Variants in SYT17 observed in about 807,000 individuals in gnomAD.
SYT17 encodes the protein synaptotagmin 17.
Under a neutral mutation model 46.7 loss-of-function variants are expected in SYT17, and 22 were observed. The ratio of observed to expected loss-of-function variants is 0.47; its 90% CI spans 0.34 to 0.67. The LOEUF (loss-of-function observed/expected upper bound fraction) is 0.67, where lower values mean the gene tolerates loss of function less well. Among genes scored for constraint, SYT17 ranks in the 30% least tolerant of loss-of-function variants. The pLI is 0.01. For synonymous variants in SYT17, 251 were observed against 248.4 expected (o/e 1.01, Z -0.10); for missense variants, 519 against 612.8 (o/e 0.85, Z 1.62).
rs1964620552 is a variant in SYT17, at chr16:19,183,048, T to C, written c.332-480T>C. ...AGTGAGTAAGTGGCTGAGATGGAAT[T>C]CCACCCAGGCACTCTGGTCCCAGAG... On this transcript the variant is annotated intron_variant, in intron 4 of 7. Coordinates refer to ENST00000355377, the MANE Select transcript of SYT17 (RefSeq NM_016524.4). This position sits in a 1 kb window ranked among gnomAD's most constrained non-coding sequence, Gnocchi z 5.6. Among the ~76,000 whole-genome samples the C allele has an allele frequency of 6.6e-6, 1 of 152,158 alleles. No individual in the cohort carries two copies. Among genetic ancestry groups the C allele is most frequent in the Non-Finnish European group, 1.5e-5 (1 of 68,030 alleles).
chr16:19,246,451 A>G (rs1380049733), intron 7 of SYT17, among the ~76,000 whole-genome samples: 1 of 152,212 alleles, frequency 6.6e-6, no homozygotes, highest in Non-Finnish European at 1.5e-5. Flanking sequence ...TCTAGAAACT[A>G]CACACACATA....
intron 5 of SYT17, among the ~76,000 whole-genome samples, chr16:19,208,730 A>T (rs1044647570): frequency 2.6e-5 from 4 of 151,956 alleles, no homozygotes; most frequent in African/African-American, 7.3e-5. Flanking sequence ...TTTGGTGTCT[A>T]TTGGCTTATA....
rs1555459738 is a variant in SYT17, at chr16:19,220,303, C to CTTTTT, written c.952-2729_952-2725dup. Among the ~76,000 whole-genome samples the CTTTTT allele has an allele frequency of 8.7e-5, 7 of 80,510 alleles. 1 individual carries two copies. The highest frequency in any genetic ancestry group is 3.0e-4 in the African/African-American group (6 of 19,852). 52.8% of individuals were successfully genotyped at this position (80,510 alleles called of 152,430 possible). A position where few individuals can be genotyped will look rare whatever the true frequency, so the allele number is the denominator to read the frequency against. ...TTCAATGACATTTCTTTCTTTCTTT[C>CTTTTT]TTTTTTTTTTTTTTTTTGAGATGAA... is the stretch of plus-strand genomic sequence containing the variant. On this transcript the variant is annotated intron_variant, in intron 5 of 7. Coordinates refer to ENST00000355377, the MANE Select transcript of SYT17 (RefSeq NM_016524.4).
intron 7 of SYT17, among the ~76,000 whole-genome samples, chr16:19,248,259 T>C (rs1465532209): frequency 6.6e-6 from 1 of 152,202 alleles, no homozygotes; most frequent in African/African-American, 2.4e-5. Context: ...GGAACTCTCA[T>C]GCATTTCTGG....
chr16:19,207,966 C>A (rs530186551), intron 5 of SYT17, among the ~76,000 whole-genome samples: 2 of 152,100 alleles, frequency 1.3e-5, no homozygotes, highest in Non-Finnish European at 2.9e-5. Context: ...AGACCAAAAT[C>A]AAATCCTGAT....
intron 7 of SYT17, among the ~76,000 whole-genome samples, chr16:19,250,383 G>GTGTGTGTGTA (rs1295055619): frequency 5.3e-5 from 8 of 151,192 alleles, no homozygotes; most frequent in Non-Finnish European, 1.0e-4. Context: ...GTGTGTGTGT[G>GTGTGTGTGTA]TGTGTGTGTG....
chr16:19,175,947 A>G (rs1964296900), intron 3 of SYT17, among the ~76,000 whole-genome samples: 1 of 152,232 alleles, frequency 6.6e-6, no homozygotes. Flanking sequence ...TCCTGTGACC[A>G]TGCTCAGGGA....
chr16:19,241,608 C>T (rs1248553147), intron 7 of SYT17, among the ~76,000 whole-genome samples: 2 of 152,190 alleles, frequency 1.3e-5, no homozygotes, highest in Admixed American at 1.3e-4. Flanking sequence ...CTGCATTGCT[C>T]TCCCACTGGT....
At chr16:19,173,378 G>GGCCCCCC in intron 2 of SYT17, 52 bp from the exon 3 acceptor site, 11 of 222,870 alleles carry the variant, frequency 4.9e-5, no homozygotes, top group Non-Finnish European at 7.6e-5. Context: ...TCCCCACCCT[G>GGCCCCCC]CCCACCTCCC....
intron 5 of SYT17, among the ~76,000 whole-genome samples, chr16:19,191,958 G>T (rs1965039167): frequency 6.6e-6 from 1 of 151,970 alleles, no homozygotes; most frequent in Admixed American, 6.6e-5. Flanking sequence ...TTAATTTTTT[G>T]TATTTTTAGT....
chr16:19,215,077 C>A (rs994074359), intron 5 of SYT17, among the ~76,000 whole-genome samples: 3 of 152,164 alleles, frequency 2.0e-5, no homozygotes, highest in Non-Finnish European at 4.4e-5. Flanking sequence ...CATGAGCCAC[C>A]GTGCCCGGAC....
rs564802807 is a variant in SYT17 at position 19,205,041 on chromosome 16, C to T, written c.952-18004C>T. ...CCAGGTCCAGGCCACCTTCACTTCTCACCTGCAGTGTTAGGACGCCCCTCA... is the reference window on the plus strand; with the variant it reads ...CCAGGTCCAGGCCACCTTCACTTCTTACCTGCAGTGTTAGGACGCCCCTCA... On this transcript the variant is annotated intron_variant, in intron 5 of 7. Transcript: ENST00000355377. 5.9e-5 allele frequency among the ~76,000 whole-genome samples: 9 copies of T among 152,352 alleles called. No individual in the cohort carries two copies. In the East Asian group the frequency reaches 1.5e-3, roughly 26 times the overall value.
At chr16:19,221,805 T>C (rs576990512) in intron 5 of SYT17, among the ~76,000 whole-genome samples, 58 of 152,186 alleles carry the variant, frequency 3.8e-4, no homozygotes, top group African/African-American at 1.3e-3. Context: ...TAATAGATGG[T>C]TAGATTATAG....
At position 19,168,572 on chromosome 16, in the gene SYT17, C is replaced by T. The variant is rs1963954654; in HGVS notation, c.-75C>T. On this transcript the variant is annotated 5_prime_UTR_variant, in exon 1 of 8. Transcript: ENST00000355377. The surrounding 1 kb of genome is among the most constrained non-coding windows in gnomAD (Gnocchi z 6.9). ...TTCCTTTCCCCCTTTGCTTTCTTCC[C>T]CCTCCGCTGTTGGCGAGGGCAAAGT... 5 of 1,539,882 alleles carry T rather than the reference C, an allele frequency of 3.2e-6. No individual in the cohort carries two copies. In the East Asian group the frequency reaches 1.3e-4, roughly 39 times the overall value.
intron 1 of SYT17, 155 bp from the exon 2 acceptor site, chr16:19,172,605 T>C: frequency 6.5e-7 from 1 of 1,530,930 alleles, no homozygotes; most frequent in South Asian, 1.2e-5. Flanking sequence ...TCAGCTCCCT[T>C]CCCAGGATGG....
intron 5 of SYT17, among the ~76,000 whole-genome samples, chr16:19,203,888 C>G (rs1261439646): frequency 6.6e-6 from 1 of 152,330 alleles, no homozygotes; most frequent in Admixed American, 6.5e-5. Flanking sequence ...TTCTGTTTAC[C>G]TGGCACATAG....
chr16:19,244,798 A>G (rs1274672840), intron 7 of SYT17, among the ~76,000 whole-genome samples: 1 of 152,070 alleles, frequency 6.6e-6, no homozygotes, highest in Non-Finnish European at 1.5e-5. Flanking sequence ...GAGGAAAGAG[A>G]GCTGAGGACT....
chr16:19,228,067 G>C (rs1966557756), intron 7 of SYT17, among the ~76,000 whole-genome samples: 1 of 151,938 alleles, frequency 6.6e-6, no homozygotes, highest in African/African-American at 2.4e-5. Flanking sequence ...GGGGGGGTAT[G>C]ACAGAACTTC....
chr16:19,225,175 T>TAA (rs915269658), intron 7 of SYT17, among the ~76,000 whole-genome samples: 2 of 152,210 alleles, frequency 1.3e-5, no homozygotes, highest in African/African-American at 4.8e-5. Flanking sequence ...TTGTGAACAG[T>TAA]AAATGACTTA....
Sources: gnomAD v4.1 joint callset for allele counts (sites outside exome capture counted in the v4.1 genomes callset) on GRCh38, gnomAD v4.1.1 for gene constraint, Gnocchi (gnomAD v3.1) non-coding constraint, MANE v1.5 for transcripts, NCBI Gene and HGNC (gene_info 2026-07-23, HGNC 2026-07-21) for gene names.